Variants in RCBTB1 observed in about 807,000 individuals in gnomAD.
The protein encoded by RCBTB1 is RCC1 and BTB domain containing protein 1.
Under a neutral mutation model 62.4 loss-of-function variants are expected in RCBTB1, and 46 were observed. That is an observed-to-expected ratio of 0.74 (90% CI 0.58 to 0.94). The LOEUF (loss-of-function observed/expected upper bound fraction) is 0.94. RCBTB1 is among the 40% of genes least tolerant of loss of function. The probability of loss-of-function intolerance (pLI) is 0.00; values close to 1 mark genes in which losing one functional copy is unlikely to be tolerated. For synonymous variants in RCBTB1, 222 were observed against 245.8 expected (o/e 0.90, Z 0.91); for missense variants, 565 against 654.9 (o/e 0.86, Z 1.50).
At chr13:49,540,766 T>C in intron 12 of RCBTB1, 110 bp downstream of exon 12, 1 of 1,200,858 alleles carries the variant, frequency 8.3e-7, no homozygotes, top group South Asian at 1.6e-5. Flanking sequence ...ACTGATTCCC[T>C]AAACAGAAGT....
At chr13:49,554,931 C>T (rs1961720513) in intron 6 of RCBTB1, among the ~76,000 whole-genome samples, 1 of 152,160 alleles carries the variant, frequency 6.6e-6, no homozygotes, top group Non-Finnish European at 1.5e-5. Flanking sequence ...CTAAAATATG[C>T]ATAGGTAGTA....
chr13:49,562,011 A>G (rs1962473149), intron 4 of RCBTB1, among the ~76,000 whole-genome samples: 1 of 151,750 alleles, frequency 6.6e-6, no homozygotes, highest in Non-Finnish European at 1.5e-5. Flanking sequence ...GCTGAGGCAC[A>G]AGAATTGCTT....
chr13:49,570,480 G>A (rs1963322833), intron 2 of RCBTB1, among the ~76,000 whole-genome samples: 2 of 152,182 alleles, frequency 1.3e-5, no homozygotes, highest in Non-Finnish European at 2.9e-5. Flanking sequence ...TTGGTAGGGT[G>A]GTAACAACAG....
At chr13:49,566,126 T>A (rs1962981983) in intron 4 of RCBTB1, among the ~76,000 whole-genome samples, 2 of 150,098 alleles carry the variant, frequency 1.3e-5, no homozygotes, top group East Asian at 1.9e-4. Context: ...AACACTGCAG[T>A]AGGCCGCAGG....
chr13:49,564,994 GTCCCGC>G (rs1744210796), intron 4 of RCBTB1, among the ~76,000 whole-genome samples: 1 of 152,086 alleles, frequency 6.6e-6, no homozygotes. Flanking sequence ...GATTGCAGCT[GTCCCGC>G]TCCCGCTCCC....
intron 9 of RCBTB1, chr13:49,547,175 C>A (rs1182509695): frequency 2.4e-4 from 262 of 1,088,008 alleles, no homozygotes; most frequent in Admixed American, 1.6e-3. Flanking sequence ...ATACTCACTG[C>A]AAAAAAAAAA....
rs140432497 is a variant in RCBTB1 at position 49,534,514 on chromosome 13, G to GCA, written c.1456-254_1456-253dup. 7.7e-3 allele frequency among the ~76,000 whole-genome samples: 1,150 copies of GCA among 149,380 alleles called. 15 individuals are homozygous for GCA. The highest frequency in any genetic ancestry group is 0.024 in the African/African-American group (988 of 40,516). The stretch of plus-strand genomic sequence containing the variant: ...GACTCTTCAAAACACACACGCGCGC[G>GCA]CACACACACACACACGCAAGATCTA... On this transcript the variant is annotated intron_variant, in intron 12 of 12. Coordinates refer to ENST00000378302, the MANE Select transcript of RCBTB1 (RefSeq NM_018191.4).
At chr13:49,549,331 C>T (rs958611956) in intron 9 of RCBTB1, 127 bp downstream of exon 9, 14 of 813,120 alleles carry the variant, frequency 1.7e-5, no homozygotes, top group South Asian at 7.1e-5. Context: ...TCTATTTTGA[C>T]GGAACGTATG....
chr13:49,573,239 A>T (rs1161266738), intron 2 of RCBTB1, among the ~76,000 whole-genome samples: 1 of 152,206 alleles, frequency 6.6e-6, no homozygotes, highest in Non-Finnish European at 1.5e-5. Context: ...ATATATACAG[A>T]AATGTATACA....
intron 9 of RCBTB1, chr13:49,545,971 CT>C: frequency 2.3e-6 from 1 of 432,416 alleles, no homozygotes; most frequent in Non-Finnish European, 3.1e-6. Flanking sequence ...ACTGACAGCC[CT>C]CCCTCCACCC....
rs1220077223 is a variant in RCBTB1, at chr13:49,532,676, C to A, written c.*1446G>T. ...TAGGGCCTCACTCCCCTTCCCACCC[C>A]AATAGACACAAATTTAAAAACATTG... On this transcript the variant is annotated 3_prime_UTR_variant, in exon 13 of 13. Transcript: ENST00000378302. The A allele has an allele frequency of 6.6e-6, 1 of 152,050 alleles. No homozygotes were observed. The highest frequency in any genetic ancestry group is 1.9e-4 in the East Asian group (1 of 5,188). The allele number at this position is 152,050 out of a possible 1,614,324, so 9.4% of individuals were successfully genotyped here. A position where few individuals can be genotyped will look rare whatever the true frequency, so the allele number is the denominator to read the frequency against.
intron 12 of RCBTB1, 112 bp from the exon 13 acceptor site, chr13:49,534,374 ATT>A: frequency 8.8e-7 from 1 of 1,130,862 alleles, no homozygotes. Context: ...CAGAAAAGAT[ATT>A]TGAGAGGCCA....
At chr13:49,572,868 A>T (rs1352456065) in intron 2 of RCBTB1, among the ~76,000 whole-genome samples, 3 of 152,198 alleles carry the variant, frequency 2.0e-5, no homozygotes, top group Non-Finnish European at 2.9e-5. Flanking sequence ...ATAGGAAGAT[A>T]TGAAGTGATT....
intron 6 of RCBTB1, among the ~76,000 whole-genome samples, chr13:49,555,177 C>T (rs1566237657): frequency 6.6e-6 from 1 of 152,314 alleles, no homozygotes; most frequent in East Asian, 1.9e-4. Flanking sequence ...GTACAGTTGA[C>T]ATTGTTTCAT....
intron 1 of RCBTB1, among the ~76,000 whole-genome samples, chr13:49,585,004 G>A (rs542766693): frequency 3.2e-4 from 49 of 152,300 alleles, no homozygotes; most frequent in African/African-American, 9.9e-4. Flanking sequence ...AAAGAATACG[G>A]TTTGTGACAG....
At chr13:49,559,669 A>AG (rs1356091253) in intron 5 of RCBTB1, among the ~76,000 whole-genome samples, 62 of 151,528 alleles carry the variant, frequency 4.1e-4, no homozygotes, top group African/African-American at 1.5e-3. Flanking sequence ...AAAAAAAAAA[A>AG]AAAGAAAGTT....
intron 2 of RCBTB1, among the ~76,000 whole-genome samples, chr13:49,578,432 C>A (rs1411436379): frequency 6.6e-6 from 1 of 152,174 alleles, no homozygotes; most frequent in African/African-American, 2.4e-5. Flanking sequence ...TACATTAATT[C>A]TTCTTCTGCA....
Position 49,546,380 on chromosome 13 carries a change from T to C in RCBTB1, c.1046-1517A>G, listed in dbSNP as rs915486702. ...GTGGGTGGAAGGGAAAGAAGTTATC[T>C]AGGACAGCAGTCCCCAACCTTTTTG... On this transcript the variant is annotated intron_variant, in intron 9 of 12. Transcript: ENST00000378302. 6 of 984,770 alleles carry C rather than the reference T, an allele frequency of 6.1e-6. No individual in the cohort carries two copies. The African/African-American group carries it at 1.0e-4, about 17-fold the overall frequency. The allele number at this position is 984,770 out of a possible 1,614,324, so 61.0% of individuals were successfully genotyped here.
intron 4 of RCBTB1, among the ~76,000 whole-genome samples, chr13:49,561,010 CTT>C: frequency 6.6e-6 from 1 of 152,222 alleles, no homozygotes; most frequent in Non-Finnish European, 1.5e-5. Context: ...TTTATAATGA[CTT>C]TATCTTTTCT....
Sources: allele counts gnomAD v4.1 joint callset (sites outside exome capture counted in the v4.1 genomes callset), GRCh38; gene constraint gnomAD v4.1.1; transcripts MANE v1.5; gene names NCBI Gene and HGNC (gene_info 2026-07-23, HGNC 2026-07-21).